The following ADAMTS18 variants were observed in gnomAD, a reference collection of about 807,000 sequenced individuals.
The protein encoded by ADAMTS18 is ADAM metallopeptidase with thrombospondin type 1 motif 18.
A neutral mutation model predicts 165.9 loss-of-function variants in ADAMTS18; 157 were observed. The observed-to-expected ratio is 0.95, with a 90% confidence interval of 0.83 to 1.08. The LOEUF is 1.08. ADAMTS18 is among the 50% of genes least tolerant of loss of function. The pLI is 0.00. For missense variants in ADAMTS18, 2,040 were observed against 1,534.0 expected (o/e 1.33, Z -5.51); for synonymous variants, 782 against 578.2 (o/e 1.35, Z -5.06).
At chr16:77,328,466 G>A (rs2056132910) in intron 12 of ADAMTS18, among the ~76,000 whole-genome samples, 1 of 152,068 alleles carries the variant, frequency 6.6e-6, no homozygotes, top group Non-Finnish European at 1.5e-5. Context: ...TCCTATAACT[G>A]CACGCTAAAA....
At chr16:77,294,754 T>G (rs762197576) in intron 19 of ADAMTS18, among the ~76,000 whole-genome samples, 169 bp downstream of exon 19, 1 of 152,162 alleles carries the variant, frequency 6.6e-6, no homozygotes, top group Non-Finnish European at 1.5e-5. Context: ...GTGCCAAAAC[T>G]TCAGATTTCC....
intron 7 of ADAMTS18, among the ~76,000 whole-genome samples, chr16:77,360,735 A>G (rs1312492110): frequency 6.6e-6 from 1 of 152,234 alleles, no homozygotes; most frequent in African/African-American, 2.4e-5. Context: ...TAATTGTTAA[A>G]ATAAACTTAT....
At position 77,353,835 on chromosome 16, in the gene ADAMTS18, A is replaced by G. The variant is rs745549075; in HGVS notation, c.1512T>C (p.Tyr504=). The G allele has an allele frequency of 4.1e-5, 66 of 1,614,154 alleles. No homozygotes were observed. The highest frequency in any genetic ancestry group is 5.1e-5 in the Non-Finnish European group (60 of 1,180,040). ...GTCCTGGTAGTTTGTCCGGATATTT[A>G]TACTGTCCTGCTTGCTTGGGCTCAT... The part of the protein sequence containing the change: ...LVDEPKQAGQ[Y]KYPDKLPGQI... Residue 504 remains tyrosine (Y), a synonymous_variant, in exon 10 of 23, where the codon TAT becomes TAC. Transcript: ENST00000282849.
intron 11 of ADAMTS18, 53 bp downstream of exon 11, chr16:77,341,651 T>C: frequency 7.0e-7 from 1 of 1,427,772 alleles, no homozygotes; most frequent in East Asian, 2.3e-5. Flanking sequence ...ACAGTTTGAA[T>C]TCTATGCCTT....
At chr16:77,401,215 C>T (rs930454154) in intron 3 of ADAMTS18, among the ~76,000 whole-genome samples, 1 of 152,136 alleles carries the variant, frequency 6.6e-6, no homozygotes, top group African/African-American at 2.4e-5. Flanking sequence ...GATCATACCA[C>T]TTCACTCCAG....
At chr16:77,383,479 G>A (rs79061032) in intron 3 of ADAMTS18, among the ~76,000 whole-genome samples, 3 of 151,758 alleles carry the variant, frequency 2.0e-5, no homozygotes, top group Non-Finnish European at 4.4e-5. Context: ...GCTGTTTCCT[G>A]TGCCTAGAAT....
chr16:77,382,446 G>A (rs1313896447), intron 3 of ADAMTS18, among the ~76,000 whole-genome samples: 6 of 152,148 alleles, frequency 3.9e-5, no homozygotes, highest in Non-Finnish European at 5.9e-5. Flanking sequence ...TCCTGACCTC[G>A]TGATCCGCCC....
chr16:77,378,773 T>C (rs1409171417), intron 3 of ADAMTS18: 8 of 152,082 alleles, frequency 5.3e-5, no homozygotes, highest in African/African-American at 1.2e-4. Flanking sequence ...AGGACATATA[T>C]AACACTCAAT....
At chr16:77,371,032 T>A (rs990079588) in intron 3 of ADAMTS18, among the ~76,000 whole-genome samples, 1 of 152,076 alleles carries the variant, frequency 6.6e-6, no homozygotes, top group Non-Finnish European at 1.5e-5. Context: ...CTGGGCAACA[T>A]AGTGAAACCC....
At chr16:77,366,693 T>G (rs2056799909) in intron 4 of ADAMTS18, among the ~76,000 whole-genome samples, 2 of 152,234 alleles carry the variant, frequency 1.3e-5, no homozygotes, top group Non-Finnish European at 2.9e-5. Flanking sequence ...AAATGCAGAT[T>G]AAGTATTTCC....
chr16:77,335,985 C>T lies in ADAMTS18; in HGVS notation c.1711-81G>A, dbSNP rs577367846. ...GGAGTTGCCAACACCTGCACAGTAA[C>T]AGGAAAAACAGGTCTGTTGGGAGAA... is the stretch of plus-strand genomic sequence containing the variant. On this transcript the variant is annotated intron_variant, in intron 11 of 22. Transcript: ENST00000282849. The T allele has an allele frequency of 4.6e-6, 7 of 1,531,016 alleles. No individual in the cohort carries two copies. In the Admixed American group the frequency reaches 6.7e-5, roughly 15 times the overall value. 94.8% of individuals were successfully genotyped at this position (1,531,016 alleles called of 1,614,324 possible).
At chr16:77,290,963 A>G (rs540037553) in intron 21 of ADAMTS18, 2 of 445,414 alleles carry the variant, frequency 4.5e-6, no homozygotes, top group Non-Finnish European at 8.3e-6. Flanking sequence ...TTTCCGTAGC[A>G]ACAGCAATGA....
intron 11 of ADAMTS18, among the ~76,000 whole-genome samples, chr16:77,337,212 C>A (rs569621540): frequency 3.0e-3 from 462 of 152,262 alleles, no homozygotes; most frequent in Admixed American, 4.4e-3. Context: ...GGAAGGCTAT[C>A]GGTCATTTGA....
At chr16:77,411,955 T>C (rs1258413673) in intron 3 of ADAMTS18, among the ~76,000 whole-genome samples, 2 of 151,944 alleles carry the variant, frequency 1.3e-5, no homozygotes, top group Non-Finnish European at 2.9e-5. Flanking sequence ...CCAAAAGCAC[T>C]GGGATTACAG....
At chr16:77,316,765 G>A (rs1185783652) in intron 16 of ADAMTS18, among the ~76,000 whole-genome samples, 1 of 152,092 alleles carries the variant, frequency 6.6e-6, no homozygotes, top group Non-Finnish European at 1.5e-5. Context: ...TGCCTCCCAA[G>A]CTCAAATGAT....
chr16:77,411,956 G>A (rs896310357), intron 3 of ADAMTS18, among the ~76,000 whole-genome samples: 1 of 151,860 alleles, frequency 6.6e-6, no homozygotes, highest in African/African-American at 2.4e-5. Context: ...CAAAAGCACT[G>A]GGATTACAGG....
chr16:77,390,373 C>G (rs1191659019), intron 3 of ADAMTS18, among the ~76,000 whole-genome samples: 1 of 126,888 alleles, frequency 7.9e-6, no homozygotes, highest in Non-Finnish European at 1.8e-5. Context: ...AGCCATTGGT[C>G]TCACTTTTTA....
chr16:77,331,018 T>A (rs1179592313), intron 12 of ADAMTS18, among the ~76,000 whole-genome samples: 1 of 152,230 alleles, frequency 6.6e-6, no homozygotes, highest in Non-Finnish European at 1.5e-5. Flanking sequence ...TATCATCTAC[T>A]TGTTTTATTT....
At chr16:77,334,813 AG>A in intron 12 of ADAMTS18, among the ~76,000 whole-genome samples, 1 of 123,658 alleles carries the variant, frequency 8.1e-6, no homozygotes, top group South Asian at 2.4e-4. Context: ...TATAGTATAC[AG>A]TATATATACT....
Sources: gnomAD v4.1 joint callset for allele counts (sites outside exome capture counted in the v4.1 genomes callset) on GRCh38, gnomAD v4.1.1 for gene constraint, MANE v1.5 for transcripts, NCBI Gene and HGNC (gene_info 2026-07-23, HGNC 2026-07-21) for gene names.